SLCO1B3: variants seen among roughly 807,000 people sequenced by gnomAD.
SLCO1B3 encodes the protein liver-specific organic anion transporter 2.
Under a neutral mutation model 71.8 loss-of-function variants are expected in SLCO1B3, and 72 were observed. That is an observed-to-expected ratio of 1.00 (90% CI 0.83 to 1.22). The LOEUF (loss-of-function observed/expected upper bound fraction) is 1.22, where lower values mean the gene tolerates loss of function less well. SLCO1B3 is among the 50% of genes most tolerant of loss of function. The probability of loss-of-function intolerance (pLI) is 0.00; values close to 1 mark genes in which losing one functional copy is unlikely to be tolerated. For synonymous variants in SLCO1B3, 298 were observed against 278.4 expected, an observed-to-expected ratio of 1.07 and a Z score of -0.70; for missense variants, 911 against 819.7, an observed-to-expected ratio of 1.11 and a Z score of -1.36.
At chr12:20,816,009 A>G (rs1266636564) in intron 3 of SLCO1B3, among the ~76,000 whole-genome samples, 187 bp downstream of exon 3, 2 of 152,152 alleles carry the variant, frequency 1.3e-5, no homozygotes, top group African/African-American at 2.4e-5. Context: ...GATTGAAGTT[A>G]TTTCTTTGCT....
chr12:20,898,996 A>G lies in SLCO1B3; in HGVS notation c.1747+496A>G, dbSNP rs542518829. Among the ~76,000 whole-genome samples, 14 of 152,270 alleles carry G rather than the reference A, an allele frequency of 9.2e-5. No homozygotes were observed. The South Asian group carries it at 2.9e-3, about 32-fold the overall frequency. On this transcript the variant is annotated intron_variant, in intron 14 of 15. Transcript: ENST00000381545. Reference sequence around the variant, plus strand: ...GTCCTCTATGGCTGGACAGCTAACCATTAGCAGGAGTTAATGCAAAAGGGA... The same window carrying G: ...GTCCTCTATGGCTGGACAGCTAACCGTTAGCAGGAGTTAATGCAAAAGGGA...
intron 13 of SLCO1B3, among the ~76,000 whole-genome samples, chr12:20,890,261 A>G (rs1317609472): frequency 6.6e-6 from 1 of 152,074 alleles, no homozygotes; most frequent in East Asian, 1.9e-4. Flanking sequence ...TTCATTATTG[A>G]CCAAATAATT....
chr12:20,864,736 G>A (rs570492319), intron 8 of SLCO1B3, among the ~76,000 whole-genome samples: 5 of 152,262 alleles, frequency 3.3e-5, no homozygotes, highest in Middle Eastern at 3.4e-3. Flanking sequence ...TTCTACCCCT[G>A]ACTGTTCAGA....
intron 3 of SLCO1B3, among the ~76,000 whole-genome samples, chr12:20,846,129 A>G (rs1272766901): frequency 1.3e-5 from 2 of 151,994 alleles, no homozygotes; most frequent in African/African-American, 4.8e-5. Context: ...TTCATAGCTT[A>G]CTTCCTTTGG....
rs1287862701 is a variant in SLCO1B3, at chr12:20,813,627, T to A, written c.-77T>A. The A allele has an allele frequency of 6.6e-6, 1 of 152,184 alleles. No individual in the cohort carries two copies. The highest frequency in any genetic ancestry group is 2.4e-5 in the African/African-American group (1 of 41,442). The allele number at this position is 152,184 out of a possible 1,614,324, so 9.4% of individuals were successfully genotyped here. ...CTCCTAGAGGGCCTGACAGAAGAGGTACATATGCTATGTAAGTTTCCCTCA... is the reference window on the plus strand; with the variant it reads ...CTCCTAGAGGGCCTGACAGAAGAGGAACATATGCTATGTAAGTTTCCCTCA... On this transcript the variant is annotated 5_prime_UTR_variant, in exon 2 of 16. Transcript: ENST00000381545.
chr12:20,894,550 C>A (rs1195398456), intron 13 of SLCO1B3, among the ~76,000 whole-genome samples: 1 of 152,058 alleles, frequency 6.6e-6, no homozygotes, highest in Non-Finnish European at 1.5e-5. Flanking sequence ...AAATACAGCT[C>A]AATAACAAAT....
intron 8 of SLCO1B3, among the ~76,000 whole-genome samples, chr12:20,865,877 A>C (rs1865364418): frequency 6.6e-6 from 1 of 152,260 alleles, no homozygotes; most frequent in South Asian, 2.1e-4. Context: ...TGACTGCATA[A>C]AATTAACTGT....
chr12:20,881,050 T>C, intron 12 of SLCO1B3, 30 bp downstream of exon 12: 2 of 1,479,358 alleles, frequency 1.4e-6, no homozygotes, highest in Non-Finnish European at 1.8e-6. Context: ...TTTTCTCCTC[T>C]CCTTAATCAA....
At chr12:20,899,235 CTTG>C (rs763476561) in intron 14 of SLCO1B3, among the ~76,000 whole-genome samples, 4 of 152,166 alleles carry the variant, frequency 2.6e-5, no homozygotes, top group African/African-American at 7.2e-5. Flanking sequence ...TGCACAGATA[CTTG>C]TTGTTAAATA....
At chr12:20,896,886 G>A (rs746692582) in intron 13 of SLCO1B3, among the ~76,000 whole-genome samples, 5 of 152,146 alleles carry the variant, frequency 3.3e-5, no homozygotes, top group African/African-American at 7.2e-5. Context: ...AATCATGGTC[G>A]AAGGCAAGGA....
chr12:20,906,000 AG>A (rs1866237592), intron 15 of SLCO1B3, among the ~76,000 whole-genome samples: 1 of 152,182 alleles, frequency 6.6e-6, no homozygotes, highest in African/African-American at 2.4e-5. Context: ...AAGTGTAAAA[AG>A]GGAAGGACTA....
intron 13 of SLCO1B3, among the ~76,000 whole-genome samples, chr12:20,889,092 G>A (rs981919944): frequency 1.5e-5 from 1 of 68,440 alleles, no homozygotes; most frequent in Non-Finnish European, 3.8e-5. Flanking sequence ...TTATTTTCTA[G>A]AGTTTTTTTT....
chr12:20,897,557 A>G (rs1190098659), intron 13 of SLCO1B3, among the ~76,000 whole-genome samples: 1 of 152,224 alleles, frequency 6.6e-6, no homozygotes, highest in Non-Finnish European at 1.5e-5. Flanking sequence ...TACTTTCAAG[A>G]ATATTAACTA....
At chr12:20,844,110 CAT>C (rs1016120693) in intron 3 of SLCO1B3, among the ~76,000 whole-genome samples, 5 of 151,312 alleles carry the variant, frequency 3.3e-5, no homozygotes, top group Admixed American at 1.3e-4. Context: ...ACACTTTAAA[CAT>C]ATATATATAG....
At chr12:20,873,175 T>A (rs531772569) in intron 8 of SLCO1B3, among the ~76,000 whole-genome samples, 18 of 152,306 alleles carry the variant, frequency 1.2e-4, no homozygotes, top group Admixed American at 2.6e-4. Context: ...ATGTGCTAGT[T>A]TAAATCATCA....
At chr12:20,869,402 G>A (rs1865436743) in intron 8 of SLCO1B3, among the ~76,000 whole-genome samples, 1 of 66,432 alleles carries the variant, frequency 1.5e-5, no homozygotes, top group Non-Finnish European at 5.4e-5. Flanking sequence ...ATAGAGTGAG[G>A]ATTATTATAA....
intron 4 of SLCO1B3, among the ~76,000 whole-genome samples, chr12:20,856,951 G>A (rs1167235903): frequency 7.8e-6 from 1 of 128,418 alleles, no homozygotes; most frequent in Non-Finnish European, 1.7e-5. Flanking sequence ...GGACACGAGG[G>A]ATGACTGTAA....
intron 8 of SLCO1B3, among the ~76,000 whole-genome samples, chr12:20,869,696 T>C (rs1865443978): frequency 6.6e-6 from 1 of 152,134 alleles, no homozygotes; most frequent in Non-Finnish European, 1.5e-5. Context: ...TAGCATTTCA[T>C]TATACGTATA....
chr12:20,860,255 C>G (rs558459823), intron 5 of SLCO1B3, among the ~76,000 whole-genome samples: 1 of 152,146 alleles, frequency 6.6e-6, no homozygotes, highest in African/African-American at 2.4e-5. Context: ...GCGCCCAGCC[C>G]CTGATCATTT....
Sources: gnomAD v4.1 joint callset for allele counts (sites outside exome capture counted in the v4.1 genomes callset) on GRCh38, gnomAD v4.1.1 for gene constraint, MANE v1.5 for transcripts, NCBI Gene and HGNC (gene_info 2026-07-23, HGNC 2026-07-21) for gene names.